CSMD3: variants seen among roughly 807,000 people sequenced by gnomAD.
CSMD3 encodes CUB and Sushi multiple domains 3, also known as CUB and sushi domain-containing protein 3.
A neutral mutation model predicts 435.2 loss-of-function variants in CSMD3; 177 were observed. That is an observed-to-expected ratio of 0.41 (90% confidence interval 0.36 to 0.46). The LOEUF (loss-of-function observed/expected upper bound fraction) is 0.46, where lower values mean the gene tolerates loss of function less well. Among genes scored for constraint, CSMD3 ranks in the 20% least tolerant of loss-of-function variants. The pLI, the probability that CSMD3 is intolerant of heterozygous loss-of-function variation, is 0.34. For synonymous variants in CSMD3, 1,656 were observed against 1,520.5 expected (o/e 1.09, Z -2.07); for missense variants, 4,265 against 4,504.6 (o/e 0.95, Z 1.52).
rs1289761311 is a variant in CSMD3, at chr8:112,247,151, G to A, written c.10111-20C>T. ...TCCTACCTATAGCAAATTAAAGAGA[G>A]GAAAAAAATATTCCCCTACAACTTC... On this transcript the variant is annotated intron_variant, in intron 63 of 70. Coordinates refer to ENST00000297405, the MANE Select transcript of CSMD3 (RefSeq NM_198123.2). 3 of 1,506,432 alleles carry A rather than the reference G, an allele frequency of 2.0e-6. No homozygotes were observed. Among genetic ancestry groups the A allele is most frequent in the African/African-American group, 2.8e-5 (2 of 72,632 alleles). 93.3% of individuals were successfully genotyped at this position (1,506,432 alleles called of 1,614,324 possible).
intron 7 of CSMD3, among the ~76,000 whole-genome samples, chr8:112,964,598 T>C (rs944009438): frequency 5.3e-5 from 8 of 152,024 alleles, no homozygotes; most frequent in Non-Finnish European, 1.2e-4. Context: ...TTTAGTAAAA[T>C]CATCTTTGGC....
chr8:113,332,179 A>C (rs1588534466), intron 1 of CSMD3, among the ~76,000 whole-genome samples: 1 of 151,586 alleles, frequency 6.6e-6, no homozygotes, highest in African/African-American at 2.4e-5. Flanking sequence ...AGTCTAAAAA[A>C]CGTGCATGCC....
chr8:112,723,664 C>T (rs943259206), intron 13 of CSMD3, among the ~76,000 whole-genome samples: 1 of 152,088 alleles, frequency 6.6e-6, no homozygotes, highest in Non-Finnish European at 1.5e-5. Context: ...GGATTCAAAG[C>T]AGAAGCTTTG....
At chr8:112,621,003 G>A (rs1434910814) in intron 22 of CSMD3, among the ~76,000 whole-genome samples, 2 of 152,132 alleles carry the variant, frequency 1.3e-5, no homozygotes, top group Non-Finnish European at 1.5e-5. Context: ...TTGGTAGGCC[G>A]AGGTGGGCGG....
At chr8:112,783,503 G>C (rs2078454792) in intron 13 of CSMD3, among the ~76,000 whole-genome samples, 1 of 116,756 alleles carries the variant, frequency 8.6e-6, no homozygotes, top group Non-Finnish European at 1.8e-5. Flanking sequence ...AGGGAGGGAG[G>C]GAGGAAGGGA....
rs189799636 is a variant in CSMD3, at chr8:112,572,687, C to A, written c.4042+814G>T. On this transcript the variant is annotated intron_variant, in intron 24 of 70. Coordinates refer to ENST00000297405, the MANE Select transcript of CSMD3 (RefSeq NM_198123.2). ...TATACAACATTAATGAGTGCTCTGA[C>A]CTTCCAAGAATCAATTTGATCTGAC... Among the ~76,000 whole-genome samples the A allele has an allele frequency of 3.5e-3, 538 of 152,154 alleles. 2 individuals are homozygous for A. Among genetic ancestry groups the A allele is most frequent in the African/African-American group, 0.012 (517 of 41,538 alleles).
intron 38 of CSMD3, among the ~76,000 whole-genome samples, chr8:112,368,557 G>T (rs1006057938): frequency 2.6e-5 from 4 of 151,974 alleles, no homozygotes; most frequent in African/African-American, 9.7e-5. Flanking sequence ...ATATTTTAAG[G>T]CTAGATGTTA....
chr8:113,169,320 T>C (rs551838412), intron 4 of CSMD3, among the ~76,000 whole-genome samples: 1 of 152,216 alleles, frequency 6.6e-6, no homozygotes, highest in East Asian at 1.9e-4. Flanking sequence ...ATGGTTTAGG[T>C]CACTCAGCAA....
chr8:113,125,001 C>T (rs1287593313), intron 4 of CSMD3, among the ~76,000 whole-genome samples: 1 of 151,912 alleles, frequency 6.6e-6, no homozygotes, highest in Admixed American at 6.6e-5. Context: ...AAATATGACA[C>T]CCAAAGCTCT....
intron 10 of CSMD3, among the ~76,000 whole-genome samples, chr8:112,904,775 T>G (rs1029217513): frequency 6.6e-6 from 1 of 151,368 alleles, no homozygotes; most frequent in African/African-American, 2.4e-5. Flanking sequence ...ATTTTCATCT[T>G]GTGAGCCAAG....
chr8:112,425,825 T>TA (rs1207846071), intron 32 of CSMD3, among the ~76,000 whole-genome samples: 5 of 152,064 alleles, frequency 3.3e-5, no homozygotes, highest in Admixed American at 1.3e-4. Context: ...AAAATAGTAG[T>TA]AAAAAAATCT....
intron 38 of CSMD3, among the ~76,000 whole-genome samples, chr8:112,372,248 C>T (rs1473705671): frequency 6.6e-6 from 1 of 151,976 alleles, no homozygotes; most frequent in Admixed American, 6.6e-5. Flanking sequence ...AAAACAAATG[C>T]TTAATTTGAT....
chr8:113,113,929 C>T (rs1042097428), intron 4 of CSMD3, among the ~76,000 whole-genome samples: 1 of 152,080 alleles, frequency 6.6e-6, no homozygotes, highest in Non-Finnish European at 1.5e-5. Flanking sequence ...GAGTATTGAG[C>T]CGACTGACAT....
intron 1 of CSMD3, among the ~76,000 whole-genome samples, chr8:113,412,198 G>A (rs2094562806): frequency 6.6e-6 from 1 of 151,998 alleles, no homozygotes; most frequent in Non-Finnish European, 1.5e-5. Flanking sequence ...CACTAGCCAG[G>A]AGTCATTAAG....
At chr8:112,423,790 T>C (rs1812766632) in intron 32 of CSMD3, among the ~76,000 whole-genome samples, 5 of 152,206 alleles carry the variant, frequency 3.3e-5, no homozygotes. Flanking sequence ...TGGATTAGTA[T>C]TACTAGCTGA....
At chr8:113,188,292 C>A (rs1269612446) in intron 3 of CSMD3, among the ~76,000 whole-genome samples, 1 of 151,952 alleles carries the variant, frequency 6.6e-6, no homozygotes, top group Non-Finnish European at 1.5e-5. Context: ...TAATGCGCAT[C>A]TTTAAAATGG....
chr8:113,387,535 G>A (rs1181027616), intron 1 of CSMD3, among the ~76,000 whole-genome samples: 1 of 151,632 alleles, frequency 6.6e-6, no homozygotes, highest in Non-Finnish European at 1.5e-5. Flanking sequence ...CAGAAACAAG[G>A]GGACTTTAAA....
At chr8:113,335,078 G>C (rs887865360) in intron 1 of CSMD3, among the ~76,000 whole-genome samples, 1 of 152,046 alleles carries the variant, frequency 6.6e-6, no homozygotes, top group Non-Finnish European at 1.5e-5. Flanking sequence ...GCGATAGTGA[G>C]TGAATTCTCA....
intron 1 of CSMD3, among the ~76,000 whole-genome samples, chr8:113,324,573 T>C (rs1329192658): frequency 2.0e-5 from 3 of 152,158 alleles, no homozygotes; most frequent in African/African-American, 7.2e-5. Context: ...TGATAACACC[T>C]GGCTGCCCAG....
Sources: allele counts gnomAD v4.1 joint callset (sites outside exome capture counted in the v4.1 genomes callset), GRCh38; gene constraint gnomAD v4.1.1; transcripts MANE v1.5; gene names NCBI Gene and HGNC (gene_info 2026-07-23, HGNC 2026-07-21).